MGME1: variants seen among roughly 807,000 people sequenced by gnomAD.
MGME1 encodes the protein chromosome 20 open reading frame 72.
In MGME1, 22 loss-of-function variants were observed where a neutral mutation model predicts 33.0. That is an observed-to-expected ratio of 0.67 (90% CI 0.48 to 0.95). MGME1 has a LOEUF of 0.95. Among genes scored for constraint, MGME1 ranks in the 40% least tolerant of loss-of-function variants. MGME1 has a pLI of 0.00. For missense variants in MGME1, 383 were observed against 397.8 expected, an observed-to-expected ratio of 0.96 and a Z score of 0.32; for synonymous variants, 133 against 144.0, an observed-to-expected ratio of 0.92 and a Z score of 0.55.
intron 3 of MGME1, among the ~76,000 whole-genome samples, chr20:17,977,627 A>T (rs1474270630): frequency 6.6e-6 from 1 of 152,278 alleles, no homozygotes. Context: ...TAATTTTCTT[A>T]ATTATTATAT....
chr20:17,975,569 GAAAA>G, intron 2 of MGME1, 111 bp from the exon 3 acceptor site: 4 of 682,040 alleles, frequency 5.9e-6, no homozygotes, highest in South Asian at 4.1e-5. Context: ...AAAAAAAAAA[GAAAA>G]AAAAATGTCA....
At chr20:17,987,170 T>TAAAAAAAAAA (rs373017515) in intron 3 of MGME1, among the ~76,000 whole-genome samples, 1 of 122,438 alleles carries the variant, frequency 8.2e-6, no homozygotes. Context: ...AGACTCCATC[T>TAAAAAAAAAA]AAAAAAAAAA....
intron 3 of MGME1, among the ~76,000 whole-genome samples, chr20:17,983,163 G>A (rs2036069594): frequency 6.6e-6 from 1 of 151,790 alleles, no homozygotes; most frequent in African/African-American, 2.4e-5. Context: ...TGCAGTATTT[G>A]TCTTTTTGTG....
At chr20:17,978,509 C>T (rs1041223375) in intron 3 of MGME1, among the ~76,000 whole-genome samples, 13 of 151,990 alleles carry the variant, frequency 8.6e-5, no homozygotes, top group Admixed American at 2.0e-4. Flanking sequence ...CTGGCCTAGA[C>T]CACCTAATGG....
chr20:17,981,648 C>CGTGTGT (rs10677204), intron 3 of MGME1, among the ~76,000 whole-genome samples: 4,056 of 139,748 alleles, frequency 0.029, 119 homozygotes, highest in African/African-American at 0.074. Flanking sequence ...ATCTACTACT[C>CGTGTGT]GTGTGTGTGT....
intron 3 of MGME1, among the ~76,000 whole-genome samples, chr20:17,982,578 G>C (rs1269399593): frequency 2.0e-5 from 3 of 152,116 alleles, no homozygotes; most frequent in Non-Finnish European, 4.4e-5. Context: ...AAGGTTGCTG[G>C]GTCAAGGGTA....
At chr20:17,981,648 C>CTGTGTGTGTGTGT (rs1491588702) in intron 3 of MGME1, among the ~76,000 whole-genome samples, 2 of 139,696 alleles carry the variant, frequency 1.4e-5, no homozygotes, top group African/African-American at 5.4e-5. Context: ...ATCTACTACT[C>CTGTGTGTGTGTGT]GTGTGTGTGT....
At chr20:17,978,553 G>T (rs2035926079) in intron 3 of MGME1, among the ~76,000 whole-genome samples, 1 of 152,034 alleles carries the variant, frequency 6.6e-6, no homozygotes. Context: ...TCTGAGAAGA[G>T]CCCTGTATAC....
Position 17,969,953 on chromosome 20 carries a change from T to G in MGME1, c.94T>G (p.Ser32Ala). The G allele has an allele frequency of 1.2e-6, 2 of 1,614,186 alleles. No individual in the cohort carries two copies. The highest frequency in any genetic ancestry group is 8.5e-7 in the Non-Finnish European group (1 of 1,180,020). Residue 32 changes from serine to alanine, a missense_variant, in exon 2 of 5, where the codon TCT becomes GCT. Coordinates refer to ENST00000377710, the MANE Select transcript of MGME1 (RefSeq NM_052865.4). Reference protein sequence around the residue: ...SAALVAFSTSSYSCGRKKKVN... With the variant: ...SAALVAFSTSAYSCGRKKKVN... ...TGCCCTTGTGGCTTTCTCTACTTCC[T>G]CTTACTCATGTGGCCGGAAGAAAAA...
At chr20:17,970,787 A>T (rs1034709942) in intron 2 of MGME1, among the ~76,000 whole-genome samples, 1 of 152,222 alleles carries the variant, frequency 6.6e-6, no homozygotes, top group African/African-American at 2.4e-5. Context: ...GCGTAAACTG[A>T]CTCGTAAATT....
chr20:17,985,563 T>C (rs906601473), intron 3 of MGME1, among the ~76,000 whole-genome samples: 6 of 152,228 alleles, frequency 3.9e-5, no homozygotes, highest in African/African-American at 1.4e-4. Context: ...TAGTATACAG[T>C]AATGTCCCAG....
intron 3 of MGME1, among the ~76,000 whole-genome samples, chr20:17,981,044 T>C (rs1248429712): frequency 6.6e-6 from 1 of 152,164 alleles, no homozygotes; most frequent in Admixed American, 6.6e-5. Context: ...TGTTTTAAGT[T>C]TGGCACTACC....
chr20:17,984,482 T>C (rs1440960515), intron 3 of MGME1, among the ~76,000 whole-genome samples: 1 of 152,144 alleles, frequency 6.6e-6, no homozygotes, highest in Non-Finnish European at 1.5e-5. Flanking sequence ...ACTAACCTCC[T>C]ATTCAGTCAT....
In MGME1 at chr20:17,989,388, C is replaced by CAAATAAATAAATAAATAAAT. The variant is rs58644150; in HGVS notation, c.865-537_865-518dup. 1.9e-3 allele frequency among the ~76,000 whole-genome samples: 273 copies of CAAATAAATAAATAAATAAAT among 142,464 alleles called. 1 individual carries two copies. Among genetic ancestry groups the CAAATAAATAAATAAATAAAT allele is most frequent in the African/African-American group, 6.5e-3 (239 of 36,970 alleles). The allele number at this position is 142,464 out of a possible 152,430, so 93.5% of individuals were successfully genotyped here. ...GCAACAGAGCAAGACTGTCTCTCTC[C>CAAATAAATAAATAAATAAAT]AAATAAATAAATAAATAAATAAATA... is the stretch of plus-strand genomic sequence containing the variant. On this transcript the variant is annotated intron_variant, in intron 4 of 4. Transcript: ENST00000377710.
At chr20:17,985,237 A>C (rs1359327875) in intron 3 of MGME1, among the ~76,000 whole-genome samples, 13 of 152,108 alleles carry the variant, frequency 8.5e-5, no homozygotes, top group African/African-American at 2.2e-4. Context: ...CAGCCTGGCC[A>C]AAATGGCAAA....
At chr20:17,976,577 A>G (rs977369030) in intron 3 of MGME1, among the ~76,000 whole-genome samples, 2 of 151,834 alleles carry the variant, frequency 1.3e-5, no homozygotes, top group African/African-American at 2.4e-5. Context: ...CTGAAAATCA[A>G]CTCTTCCTGG....
intron 3 of MGME1, among the ~76,000 whole-genome samples, chr20:17,981,647 T>TTG (rs1398867216): frequency 9.3e-6 from 1 of 107,410 alleles, no homozygotes; most frequent in African/African-American, 4.2e-5. Flanking sequence ...AATCTACTAC[T>TTG]CGTGTGTGTG....
At chr20:17,977,958 G>A (rs796612506) in intron 3 of MGME1, among the ~76,000 whole-genome samples, 4 of 152,260 alleles carry the variant, frequency 2.6e-5, no homozygotes, top group Admixed American at 6.5e-5. Flanking sequence ...AGAAAAATCC[G>A]TTCATGTAAA....
intron 3 of MGME1, among the ~76,000 whole-genome samples, 190 bp from the exon 4 acceptor site, chr20:17,987,976 C>T (rs1315552794): frequency 6.6e-6 from 1 of 152,032 alleles, no homozygotes; most frequent in East Asian, 1.9e-4. Flanking sequence ...TCACTTGAGC[C>T]CAGGAGTATG....
Sources: allele counts gnomAD v4.1 joint callset (sites outside exome capture counted in the v4.1 genomes callset), GRCh38; gene constraint gnomAD v4.1.1; transcripts MANE v1.5; gene names NCBI Gene and HGNC (gene_info 2026-07-23, HGNC 2026-07-21).